CALU: variants seen among roughly 807,000 people sequenced by gnomAD.
CALU encodes the protein IEF SSP 9302.
A neutral mutation model predicts 37.5 loss-of-function variants in CALU; 13 were observed. That is an observed-to-expected ratio of 0.35 (90% CI 0.23 to 0.55). The LOEUF is 0.55. CALU is among the 20% of genes least tolerant of loss of function. The pLI, the probability that CALU is intolerant of heterozygous loss-of-function variation, is 0.89. For missense variants in CALU, 282 were observed against 391.7 expected, an observed-to-expected ratio of 0.72 and a Z score of 2.36; for synonymous variants, 114 against 133.8, an observed-to-expected ratio of 0.85 and a Z score of 1.02.
At chr7:128,768,917 G>A (rs1801447958) in intron 6 of CALU, 146 bp from the exon 7 acceptor site, 1 of 520,132 alleles carries the variant, frequency 1.9e-6, no homozygotes, top group Non-Finnish European at 3.5e-6. Context: ...TGTATGTAGG[G>A]GGAATGAGGG....
At chr7:128,746,009 A>G (rs1443287059) in intron 1 of CALU, among the ~76,000 whole-genome samples, 1 of 152,214 alleles carries the variant, frequency 6.6e-6, no homozygotes, top group East Asian at 1.9e-4. Context: ...TTTTATACAA[A>G]TAAAAACAAG....
chr7:128,743,976 C>T (rs1385796763), intron 1 of CALU, among the ~76,000 whole-genome samples: 1 of 152,096 alleles, frequency 6.6e-6, no homozygotes, highest in Admixed American at 6.6e-5. Context: ...GAGGCCGAGA[C>T]GGGAGAATCA....
chr7:128,754,845 TTTA>T (rs1226262295), intron 3 of CALU: 3 of 445,644 alleles, frequency 6.7e-6, no homozygotes, highest in African/African-American at 6.1e-5. Flanking sequence ...GCTGATTCCC[TTTA>T]TTAATTTTAA....
At position 128,771,586 on chromosome 7, in the gene CALU, A is replaced by G. The variant is rs1217832673; in HGVS notation, c.*2419A>G. 2 of 152,670 alleles carry G rather than the reference A, an allele frequency of 1.3e-5. No homozygotes were observed. Among genetic ancestry groups the G allele is most frequent in the Admixed American group, 6.5e-5 (1 of 15,294 alleles). 9.5% of individuals were successfully genotyped at this position (152,670 alleles called of 1,614,324 possible). Reference sequence around the variant, plus strand: ...CTCCTCGAAGTTCTCCCAAACTCAGAGACAGCACTGCCTTCTCCTAAATGA... The same window carrying G: ...CTCCTCGAAGTTCTCCCAAACTCAGGGACAGCACTGCCTTCTCCTAAATGA... On this transcript the variant is annotated 3_prime_UTR_variant, in exon 7 of 7. Transcript: ENST00000249364.
At chr7:128,754,720 T>C in intron 3 of CALU, 1 of 1,546,092 alleles carries the variant, frequency 6.5e-7, no homozygotes, top group South Asian at 1.2e-5. Flanking sequence ...GGCACTTACC[T>C]GGGTAAGGGG....
rs1336176040 is a variant in CALU, at chr7:128,772,582, T to G, written c.*3415T>G. ...GGGTAGACGAGACAGTAGAAACTTC[T>G]GTTTTCTGGGAGCTGCATGTGTCGG... On this transcript the variant is annotated 3_prime_UTR_variant, in exon 7 of 7. Transcript: ENST00000249364. The G allele has an allele frequency of 6.8e-6, 11 of 1,614,100 alleles. No homozygotes were observed. Among genetic ancestry groups the G allele is most frequent in the Non-Finnish European group, 9.3e-6 (11 of 1,180,040 alleles).
intron 3 of CALU, among the ~76,000 whole-genome samples, chr7:128,755,309 C>CAAAAAAAAA (rs59208090): frequency 3.9e-5 from 2 of 51,522 alleles, no homozygotes; most frequent in African/African-American, 6.0e-5. Context: ...GAGCTCTGTC[C>CAAAAAAAAA]AAAAAAAAAA....
rs1801501027 is a variant in CALU, at chr7:128,770,072, C to G, written c.*905C>G. On this transcript the variant is annotated 3_prime_UTR_variant, in exon 7 of 7. Transcript: ENST00000249364. ...GCCCCCATCCGGTTCCTCTTCTTCCCAGGTGTGCCAAGGAATTAATCTTGG... is the reference window on the plus strand; with the variant it reads ...GCCCCCATCCGGTTCCTCTTCTTCCGAGGTGTGCCAAGGAATTAATCTTGG... 6.6e-6 allele frequency: 1 copy of G among 152,594 alleles called. No homozygotes were observed. The highest frequency in any genetic ancestry group is 2.4e-5 in the African/African-American group (1 of 41,430). The allele number at this position is 152,594 out of a possible 1,614,324, so 9.5% of individuals were successfully genotyped here.
chr7:128,756,170 T>C, intron 3 of CALU, among the ~76,000 whole-genome samples: 1 of 152,194 alleles, frequency 6.6e-6, no homozygotes, highest in East Asian at 1.9e-4. Flanking sequence ...TCCTGATTTA[T>C]TTGGAATTAA....
intron 5 of CALU, among the ~76,000 whole-genome samples, chr7:128,762,011 A>G (rs1169910756): frequency 1.3e-5 from 2 of 151,356 alleles, no homozygotes; most frequent in Admixed American, 1.3e-4. Context: ...AGGATGAGCA[A>G]TGGAAGATAG....
chr7:128,744,864 G>A (rs1800371648), intron 1 of CALU, among the ~76,000 whole-genome samples: 1 of 152,164 alleles, frequency 6.6e-6, no homozygotes, highest in Admixed American at 6.5e-5. Context: ...AGAAATGGGT[G>A]AGTGATAAAG....
intron 2 of CALU, among the ~76,000 whole-genome samples, chr7:128,749,983 T>G (rs1291840411): frequency 6.6e-6 from 1 of 152,076 alleles, no homozygotes; most frequent in Non-Finnish European, 1.5e-5. Context: ...TCCCAGCACC[T>G]TGGGAGGCTG....
intron 1 of CALU, among the ~76,000 whole-genome samples, chr7:128,741,422 A>G (rs887250289): frequency 1.3e-5 from 2 of 152,252 alleles, no homozygotes; most frequent in Non-Finnish European, 2.9e-5. Context: ...AATAATTTGT[A>G]TTAGAATGAT....
At position 128,748,577 on chromosome 7, in the gene CALU, AATT is replaced by A. The variant is rs760774588; in HGVS notation, c.-4_-2del. 3 of 1,610,006 alleles carry A rather than the reference AATT, an allele frequency of 1.9e-6. No homozygotes were observed. Among genetic ancestry groups the A allele is most frequent in the Non-Finnish European group, 2.5e-6 (3 of 1,177,436 alleles). On this transcript the variant is annotated 5_prime_UTR_variant, in exon 2 of 7. Transcript: ENST00000249364. ...CTGCTTTTCATTTTCTTCAAGATCT[AATT>A]ATCATGGACCTGCGACAGTTTCTTA...
In CALU at chr7:128,772,434, C is replaced by T. The variant is rs572974798; in HGVS notation, c.*3267C>T. 2.4e-4 allele frequency: 331 copies of T among 1,404,058 alleles called. No homozygotes were observed. Among genetic ancestry groups the T allele is most frequent in the Non-Finnish European group, 3.2e-4 (317 of 1,004,514 alleles). 87.0% of individuals were successfully genotyped at this position (1,404,058 alleles called of 1,614,324 possible). A position where few individuals can be genotyped will look rare whatever the true frequency, so the allele number is the denominator to read the frequency against. ...CCCAAACTGCCATCACTCCTTTTAC[C>T]ATCTTTTTTGTGTTTTTAGTAGTTT... On this transcript the variant is annotated 3_prime_UTR_variant, in exon 7 of 7. Coordinates refer to ENST00000249364, the MANE Select transcript of CALU (RefSeq NM_001219.5).
chr7:128,743,901 ATGCTT>A (rs1278128171), intron 1 of CALU, among the ~76,000 whole-genome samples: 1 of 152,198 alleles, frequency 6.6e-6, no homozygotes, highest in African/African-American at 2.4e-5. Flanking sequence ...AAAGACAAAG[ATGCTT>A]CAGAAATGAA....
At chr7:128,757,698 A>G (rs1166692686) in intron 3 of CALU, among the ~76,000 whole-genome samples, 1 of 152,204 alleles carries the variant, frequency 6.6e-6, no homozygotes, top group African/African-American at 2.4e-5. Flanking sequence ...ACTTTTTAAA[A>G]TATCTTCATG....
At chr7:128,739,889 A>C (rs1800165327) in intron 1 of CALU, among the ~76,000 whole-genome samples, 1 of 152,140 alleles carries the variant, frequency 6.6e-6, no homozygotes, top group Non-Finnish European at 1.5e-5. Flanking sequence ...ACATCCCGAC[A>C]GTAGGGTGCA....
intron 5 of CALU, among the ~76,000 whole-genome samples, chr7:128,763,588 T>G (rs1052504251): frequency 1.3e-5 from 2 of 152,198 alleles, no homozygotes; most frequent in Non-Finnish European, 2.9e-5. Context: ...CATGGTCACC[T>G]AGCTTTAAAA....
Sources: gnomAD v4.1 joint callset for allele counts (sites outside exome capture counted in the v4.1 genomes callset) on GRCh38, gnomAD v4.1.1 for gene constraint, MANE v1.5 for transcripts, NCBI Gene and HGNC (gene_info 2026-07-23, HGNC 2026-07-21) for gene names.